EBF2: variants seen among roughly 807,000 people sequenced by gnomAD.
The protein encoded by EBF2 is transcription factor COE2.
EBF2 carries 21 observed loss-of-function variants against 72.8 expected under a neutral mutation model. The observed-to-expected ratio is 0.29, with a 90% CI of 0.20 to 0.42. The LOEUF is 0.42. EBF2 is among the 10% of genes least tolerant of loss of function. The pLI is 1.00. For synonymous variants in EBF2, 299 were observed against 274.2 expected (o/e 1.09, Z -0.89); for missense variants, 637 against 731.2 (o/e 0.87, Z 1.49).
At chr8:25,958,013 A>G (rs1274928262) in intron 6 of EBF2, among the ~76,000 whole-genome samples, 6 of 152,176 alleles carry the variant, frequency 3.9e-5, no homozygotes, top group African/African-American at 1.4e-4. Context: ...CAGCCAAGGG[A>G]GAGGGCTCAT....
chr8:25,855,966 A>G (rs1802080796), intron 14 of EBF2, among the ~76,000 whole-genome samples: 1 of 152,064 alleles, frequency 6.6e-6, no homozygotes, highest in Non-Finnish European at 1.5e-5. Flanking sequence ...TCTCATTTTA[A>G]TGGGTAATTT....
intron 2 of EBF2, 48 bp downstream of exon 2, chr8:26,042,047 A>C: frequency 6.3e-7 from 1 of 1,598,770 alleles, no homozygotes; most frequent in Non-Finnish European, 8.5e-7. Context: ...AGTGCTTCGC[A>C]AGAGGGAGTT....
In EBF2 at chr8:25,879,521, T is replaced by C. The variant is rs116161834; in HGVS notation, c.1009+7234A>G. On this transcript the variant is annotated intron_variant, in intron 10 of 15. Coordinates refer to ENST00000520164, the MANE Select transcript of EBF2 (RefSeq NM_022659.4). ...GTTATGACACCTACCCATCTCCTTA[T>C]AGCTCCATCACCCATGTCCAGGGGT... is the stretch of plus-strand genomic sequence containing the variant. Among the ~76,000 whole-genome samples, 717 of 152,236 alleles carry C rather than the reference T, an allele frequency of 4.7e-3. 5 individuals carry two copies. Among genetic ancestry groups the C allele is most frequent in the African/African-American group, 0.016 (683 of 41,548 alleles).
At chr8:25,878,176 C>A (rs116937488) in intron 10 of EBF2, among the ~76,000 whole-genome samples, 2,591 of 152,316 alleles carry the variant, frequency 0.017, 32 homozygotes, top group Non-Finnish European at 0.028. Flanking sequence ...TCACTCTGCA[C>A]CTTTTAAAAC....
intron 6 of EBF2, among the ~76,000 whole-genome samples, chr8:25,997,504 G>A (rs999991692): frequency 6.6e-6 from 1 of 150,564 alleles, no homozygotes. Context: ...CCAGGAGGTT[G>A]AGACTGCAGT....
chr8:25,870,229 A>G (rs543938157), intron 10 of EBF2, among the ~76,000 whole-genome samples: 1 of 152,294 alleles, frequency 6.6e-6, no homozygotes, highest in South Asian at 2.1e-4. Context: ...AAATTCTCAA[A>G]ATTCATCATT....
intron 6 of EBF2, among the ~76,000 whole-genome samples, chr8:25,911,922 G>A (rs1400704291): frequency 6.6e-6 from 1 of 152,242 alleles, no homozygotes; most frequent in South Asian, 2.1e-4. Context: ...GGTGCCCTGA[G>A]GCTGATGGGC....
rs373391793 is a variant in EBF2, at chr8:26,017,920, T to TTTCGCGTA, written c.551+15164_551+15165insTACGCGAA. 3.3e-5 allele frequency among the ~76,000 whole-genome samples: 5 copies of TTTCGCGTA among 152,168 alleles called. No individual in the cohort carries two copies. The East Asian group carries it at 9.7e-4, about 29-fold the overall frequency. On this transcript the variant is annotated intron_variant, in intron 6 of 15. Transcript: ENST00000520164. ...TTGAAAGGGGGTTTCGCGTATCAGG[T>TTTCGCGTA]TAATGCATGCACTTGGCGCAGCCCA...
intron 5 of EBF2, among the ~76,000 whole-genome samples, chr8:26,037,719 G>A (rs1024916342): frequency 3.3e-5 from 5 of 152,174 alleles, no homozygotes; most frequent in African/African-American, 1.2e-4. Context: ...GCTCAGGGGT[G>A]GCTGGCAGCG....
chr8:26,007,636 T>C (rs1390721865), intron 6 of EBF2, among the ~76,000 whole-genome samples: 1 of 152,146 alleles, frequency 6.6e-6, no homozygotes, highest in Non-Finnish European at 1.5e-5. Context: ...ATAACACTCA[T>C]CACCCCTGCA....
At chr8:26,036,183 C>A (rs1805498324) in intron 5 of EBF2, among the ~76,000 whole-genome samples, 1 of 152,130 alleles carries the variant, frequency 6.6e-6, no homozygotes, top group African/African-American at 2.4e-5. Context: ...AGTAAGTTTT[C>A]AAAATTGTTC....
At chr8:26,002,420 C>T (rs1804743982) in intron 6 of EBF2, among the ~76,000 whole-genome samples, 1 of 152,250 alleles carries the variant, frequency 6.6e-6, no homozygotes, top group Non-Finnish European at 1.5e-5. Context: ...AGCGCCGAGC[C>T]TACCCAACGC....
At chr8:26,005,327 A>T (rs1365912827) in intron 6 of EBF2, among the ~76,000 whole-genome samples, 1 of 136 alleles carries the variant, frequency 7.4e-3, no homozygotes, top group Non-Finnish European at 0.012. Context: ...TATTATATAT[A>T]ATTATATATT....
chr8:25,932,405 G>A (rs1258479238), intron 6 of EBF2, among the ~76,000 whole-genome samples: 3 of 150,056 alleles, frequency 2.0e-5, no homozygotes, highest in Admixed American at 1.3e-4. Context: ...AACGGGCAGC[G>A]TACGGGATGC....
At chr8:25,941,973 T>G (rs1017618547) in intron 6 of EBF2, among the ~76,000 whole-genome samples, 1 of 152,174 alleles carries the variant, frequency 6.6e-6, no homozygotes, top group African/African-American at 2.4e-5. Context: ...AACAATTACT[T>G]GAGTATCTAT....
rs149259957 is a variant in EBF2 at position 26,027,976 on chromosome 8, G to A, written c.551+5109C>T. Among the ~76,000 whole-genome samples, 5 of 152,236 alleles carry A rather than the reference G, an allele frequency of 3.3e-5. No homozygotes were observed. In the East Asian group the frequency reaches 9.7e-4, roughly 29 times the overall value. ...CTTGCGGGGGTAGGAGACGGGTAGTGGGGAATTGTTCAGTGGGTACAGAGT... is the reference window on the plus strand; with the variant it reads ...CTTGCGGGGGTAGGAGACGGGTAGTAGGGAATTGTTCAGTGGGTACAGAGT... On this transcript the variant is annotated intron_variant, in intron 6 of 15. Transcript: ENST00000520164.
chr8:26,022,037 G>A (rs1805210861), intron 6 of EBF2, among the ~76,000 whole-genome samples: 1 of 152,188 alleles, frequency 6.6e-6, no homozygotes, highest in South Asian at 2.1e-4. Context: ...TTTGCCCCAA[G>A]CCATGTGCTT....
rs372877870 is a variant in EBF2, at chr8:26,009,303, C to A, written c.551+23782G>T. 1.1e-4 allele frequency among the ~76,000 whole-genome samples: 17 copies of A among 152,050 alleles called. No individual in the cohort carries two copies. The East Asian group carries it at 1.9e-3, about 17-fold the overall frequency. ...CCTTTGTGCTAAAGCCAAGTATAAA[C>A]GTATTCAGCATGTTCTATACAAGTG... On this transcript the variant is annotated intron_variant, in intron 6 of 15. Transcript: ENST00000520164.
intron 10 of EBF2, among the ~76,000 whole-genome samples, chr8:25,880,880 G>T (rs913991760): frequency 1.3e-5 from 2 of 151,830 alleles, no homozygotes; most frequent in South Asian, 4.1e-4. Flanking sequence ...CCCTTAGCAC[G>T]TTATATCTTA....
Sources: gnomAD v4.1 joint callset for allele counts (sites outside exome capture counted in the v4.1 genomes callset) on GRCh38, gnomAD v4.1.1 for gene constraint, MANE v1.5 for transcripts, NCBI Gene and HGNC (gene_info 2026-07-23, HGNC 2026-07-21) for gene names.